Variants in CRYBG3 observed in about 807,000 individuals in gnomAD.
CRYBG3 encodes the protein crystallin beta-gamma domain containing 3.
A neutral mutation model predicts 244.2 loss-of-function variants in CRYBG3; 127 were observed. That is an observed-to-expected ratio of 0.52 (90% CI 0.45 to 0.60). The LOEUF is 0.60. CRYBG3 is among the 20% of genes least tolerant of loss of function. The pLI is 0.00. For synonymous variants in CRYBG3, 1,132 were observed against 1,195.8 expected (o/e 0.95, Z 1.10); for missense variants, 3,325 against 3,442.5 (o/e 0.97, Z 0.85).
rs1389479237 is a variant in CRYBG3 at position 97,845,153 on chromosome 3, T to C, written c.216+1892T>C. On this transcript the variant is annotated intron_variant, in intron 2 of 21. Transcript: ENST00000389622. The stretch of plus-strand genomic sequence containing the variant: ...AATGTAACATAAATTTTATAATGCT[T>C]TCTGTGATAAGAGAAAAAATATGCA... 2.0e-5 allele frequency among the ~76,000 whole-genome samples: 3 copies of C among 152,180 alleles called. No individual in the cohort carries two copies. In the East Asian group the frequency reaches 5.8e-4, roughly 29 times the overall value.
At chr3:97,827,874 T>C (rs554734215) in intron 1 of CRYBG3, among the ~76,000 whole-genome samples, 8 of 152,268 alleles carry the variant, frequency 5.3e-5, no homozygotes, top group Admixed American at 1.3e-4. Context: ...CTTCCTCCGC[T>C]TAACTTGGGA....
intron 1 of CRYBG3, among the ~76,000 whole-genome samples, chr3:97,827,251 G>A (rs1336919457): frequency 3.3e-5 from 5 of 152,196 alleles, no homozygotes; most frequent in Middle Eastern, 3.4e-3. Context: ...TCATCTTTGC[G>A]TCCCCTTAGT....
rs950346699 is a variant in CRYBG3, at chr3:97,898,857, C to T, written c.7702-26C>T. 5 of 1,531,278 alleles carry T rather than the reference C, an allele frequency of 3.3e-6. No individual in the cohort carries two copies. In the African/African-American group the frequency reaches 6.9e-5, roughly 21 times the overall value. 94.9% of individuals were successfully genotyped at this position (1,531,278 alleles called of 1,614,324 possible). A position where few individuals can be genotyped will look rare whatever the true frequency, so the allele number is the denominator to read the frequency against. ...CATAAAACAGAATATGTATGTTTTC[C>T]TAAACTTTCCTCTTTCTCCTTTTAG... is the stretch of plus-strand genomic sequence containing the variant. On this transcript the variant is annotated intron_variant, in intron 12 of 21. Coordinates refer to ENST00000389622, the MANE Select transcript of CRYBG3 (RefSeq NM_153605.4).
chr3:97,899,705 A>T (rs1380836502), intron 14 of CRYBG3, among the ~76,000 whole-genome samples: 1 of 152,178 alleles, frequency 6.6e-6, no homozygotes, highest in African/African-American at 2.4e-5. Flanking sequence ...ACAGAATAGG[A>T]TGTGTTGGTG....
At chr3:97,832,496 T>G (rs924019688) in intron 1 of CRYBG3, among the ~76,000 whole-genome samples, 1 of 152,138 alleles carries the variant, frequency 6.6e-6, no homozygotes, top group African/African-American at 2.4e-5. Flanking sequence ...TAAATGGTTT[T>G]GGGAAAACTG....
At chr3:97,943,197 A>C (rs2040270250) in intron 21 of CRYBG3, 29 bp from the exon 22 acceptor site, 1 of 1,321,580 alleles carries the variant, frequency 7.6e-7, no homozygotes, top group South Asian at 1.2e-5. Context: ...CTGAACAAAT[A>C]ATCTTTTCTT....
At chr3:97,827,489 C>T (rs946965925) in intron 1 of CRYBG3, among the ~76,000 whole-genome samples, 12 of 152,182 alleles carry the variant, frequency 7.9e-5, no homozygotes, top group South Asian at 2.1e-4. Context: ...CAGGACTGTC[C>T]CTGAATGTTT....
chr3:97,896,289 C>T (rs919581113), intron 12 of CRYBG3, among the ~76,000 whole-genome samples: 85 of 152,108 alleles, frequency 5.6e-4, no homozygotes, highest in African/African-American at 1.9e-3. Flanking sequence ...CCATTGTTTC[C>T]GTAATCATCT....
Position 97,868,059 on chromosome 3 carries a change from G to A in CRYBG3, c.647+3412G>A, listed in dbSNP as rs375190402. 4.8e-3 allele frequency among the ~76,000 whole-genome samples: 737 copies of A among 152,142 alleles called. 10 individuals carry two copies. The highest frequency in any genetic ancestry group is 0.016 in the African/African-American group (664 of 41,528). The stretch of plus-strand genomic sequence containing the variant: ...AGCACTTTGGGAGGCCGAGGCGGGC[G>A]GATCACGAGGTCAGGAGATCGAGAC... On this transcript the variant is annotated intron_variant, in intron 3 of 21. Transcript: ENST00000389622.
intron 2 of CRYBG3, among the ~76,000 whole-genome samples, chr3:97,850,515 T>A (rs992762383): frequency 4.6e-5 from 7 of 152,178 alleles, no homozygotes; most frequent in African/African-American, 1.7e-4. Context: ...ATTAATTACA[T>A]CCTAGAACTG....
intron 19 of CRYBG3, 68 bp downstream of exon 19, chr3:97,936,976 C>T (rs1057435156): frequency 1.3e-6 from 2 of 1,515,684 alleles, no homozygotes; most frequent in African/African-American, 2.8e-5. Flanking sequence ...TAAACCACAG[C>T]ATCTGAAATA....
At chr3:97,917,809 C>T (rs1276056966) in intron 17 of CRYBG3, among the ~76,000 whole-genome samples, 1 of 152,016 alleles carries the variant, frequency 6.6e-6, no homozygotes, top group Non-Finnish European at 1.5e-5. Context: ...TTGAGATTAG[C>T]CTGTAGGCTA....
intron 1 of CRYBG3, among the ~76,000 whole-genome samples, chr3:97,829,866 T>G (rs941121532): frequency 1.3e-4 from 20 of 152,312 alleles, no homozygotes; most frequent in African/African-American, 4.3e-4. Context: ...TAGGGGACTG[T>G]AGGAGCATTT....
intron 15 of CRYBG3, among the ~76,000 whole-genome samples, chr3:97,904,506 T>C (rs2108243443): frequency 6.6e-6 from 1 of 152,266 alleles, no homozygotes; most frequent in Middle Eastern, 3.4e-3. Context: ...TATGCTTCAC[T>C]GGCAGTATCA....
rs754363061 is a variant in CRYBG3 at position 97,872,731 on chromosome 3, T to G, written c.1537T>G (p.Leu513Val). 1.3e-6 allele frequency: 2 copies of G among 1,535,948 alleles called. No homozygotes were observed. Among genetic ancestry groups the G allele is most frequent in the Non-Finnish European group, 8.7e-7 (1 of 1,146,816 alleles). The change falls in exon 4 of 22, where the codon TTG becomes GTG. Residue 513 changes from leucine to valine, a missense_variant. Leu to Val is a conservative substitution (Grantham distance 32). Transcript: ENST00000389622. ...AGAATTTGTAAATGAAGGAAAGAGATTGTCTGCCCAAGACTCACAGAAAAA... is the reference window on the plus strand; with the variant it reads ...AGAATTTGTAAATGAAGGAAAGAGAGTGTCTGCCCAAGACTCACAGAAAAA... The part of the protein sequence containing the change: ...DTEFVNEGKR[L>V]SAQDSQKNVA...
chr3:97,826,830 TA>T (rs2038583848), intron 1 of CRYBG3, among the ~76,000 whole-genome samples: 3 of 152,250 alleles, frequency 2.0e-5, no homozygotes, highest in Non-Finnish European at 4.4e-5. Context: ...TCTCTGTTCT[TA>T]ATATGAACTC....
At chr3:97,855,925 G>C (rs1266494406) in intron 2 of CRYBG3, among the ~76,000 whole-genome samples, 1 of 152,050 alleles carries the variant, frequency 6.6e-6, no homozygotes, top group East Asian at 1.9e-4. Context: ...ATGAAGTTTC[G>C]GACACCACTG....
At position 97,888,722 on chromosome 3, in the gene CRYBG3, A is replaced by G. The variant is rs977942986; in HGVS notation, c.7404+267A>G. ...CATGCCCCTTAAAAACATAGCCACT[A>G]GGACAAACTAAAACATTTTAAGAAA... On this transcript the variant is annotated intron_variant, in intron 9 of 21. Transcript: ENST00000389622. Among the ~76,000 whole-genome samples, 58 of 152,232 alleles carry G rather than the reference A, an allele frequency of 3.8e-4. 1 individual carries two copies. The highest frequency in any genetic ancestry group is 3.8e-3 in the Admixed American group (58 of 15,276).
intron 19 of CRYBG3, among the ~76,000 whole-genome samples, chr3:97,940,727 C>T (rs948146471): frequency 1.3e-5 from 2 of 151,952 alleles, no homozygotes; most frequent in African/African-American, 4.8e-5. Flanking sequence ...CAACTTATGG[C>T]ATTTAGTCAT....
Sources: allele counts gnomAD v4.1 joint callset (sites outside exome capture counted in the v4.1 genomes callset), GRCh38; gene constraint gnomAD v4.1.1; transcripts MANE v1.5; gene names NCBI Gene and HGNC (gene_info 2026-07-23, HGNC 2026-07-21).